MAGI2: variants seen among roughly 807,000 people sequenced by gnomAD.
The protein encoded by MAGI2 is membrane-associated guanylate kinase, WW and PDZ domain-containing protein 2.
Under a neutral mutation model 133.3 loss-of-function variants are expected in MAGI2, and 35 were observed. The ratio of observed to expected loss-of-function variants is 0.26; its 90% CI spans 0.20 to 0.35. The LOEUF is 0.35. Among genes scored for constraint, MAGI2 ranks in the 10% least tolerant of loss-of-function variants. The pLI, the probability that MAGI2 is intolerant of heterozygous loss-of-function variation, is 1.00. For missense variants in MAGI2, 1,636 were observed against 1,863.4 expected, an observed-to-expected ratio of 0.88 and a Z score of 2.25; for synonymous variants, 729 against 710.6, an observed-to-expected ratio of 1.03 and a Z score of -0.41.
chr7:79,060,424 A>C (rs2117063702), intron 1 of MAGI2, among the ~76,000 whole-genome samples: 1 of 152,238 alleles, frequency 6.6e-6, no homozygotes, highest in Admixed American at 6.6e-5. Context: ...TGGAATATGG[A>C]TACTTACCTC....
intron 2 of MAGI2, among the ~76,000 whole-genome samples, chr7:78,887,881 C>T (rs140822985): frequency 0.027 from 4,115 of 152,200 alleles, 77 homozygotes; most frequent in Middle Eastern, 0.051. Flanking sequence ...GGAGAGTGGG[C>T]GCAGGACAGT....
intron 1 of MAGI2, among the ~76,000 whole-genome samples, chr7:79,443,680 C>G (rs1848647766): frequency 6.6e-6 from 1 of 152,060 alleles, no homozygotes; most frequent in South Asian, 2.1e-4. Flanking sequence ...TCAGACATTC[C>G]CTGTGATCTA....
At chr7:78,168,895 T>C (rs552063373) in intron 14 of MAGI2, among the ~76,000 whole-genome samples, 2 of 152,324 alleles carry the variant, frequency 1.3e-5, no homozygotes, top group Admixed American at 6.5e-5. Context: ...TTCTGGCCAG[T>C]TGACTTACTC....
intron 1 of MAGI2, among the ~76,000 whole-genome samples, chr7:79,013,670 C>G (rs964227826): frequency 6.6e-6 from 1 of 152,118 alleles, no homozygotes; most frequent in African/African-American, 2.4e-5. Context: ...CCTCCATTCC[C>G]TTTTTAGGTA....
chr7:79,235,225 C>A (rs1831792072), intron 1 of MAGI2, among the ~76,000 whole-genome samples: 1 of 152,168 alleles, frequency 6.6e-6, no homozygotes, highest in Non-Finnish European at 1.5e-5. Flanking sequence ...TTTAAGTCTG[C>A]AGAGGTTACT....
At chr7:78,313,671 T>G (rs1454503367) in intron 9 of MAGI2, among the ~76,000 whole-genome samples, 1 of 152,020 alleles carries the variant, frequency 6.6e-6, no homozygotes, top group African/African-American at 2.4e-5. Context: ...GAAGTATTCT[T>G]GTCTGTGTAT....
chr7:78,996,635 C>T (rs529416863), intron 2 of MAGI2, among the ~76,000 whole-genome samples: 3 of 152,130 alleles, frequency 2.0e-5, no homozygotes, highest in African/African-American at 4.8e-5. Flanking sequence ...TGTAACAAAA[C>T]GGCACTTGTA....
At chr7:78,399,777 C>G (rs1796679647) in intron 6 of MAGI2, among the ~76,000 whole-genome samples, 1 of 138,382 alleles carries the variant, frequency 7.2e-6, no homozygotes, top group African/African-American at 2.7e-5. Context: ...TGCACTCCAG[C>G]CTGGTTGACA....
intron 6 of MAGI2, among the ~76,000 whole-genome samples, chr7:78,426,617 AAATT>A (rs1334072452): frequency 1.4e-5 from 2 of 144,806 alleles, no homozygotes; most frequent in African/African-American, 2.8e-5. Flanking sequence ...AATAATAAAT[AAATT>A]AATTAAAAAA....
chr7:78,566,710 A>G (rs1275182524), intron 3 of MAGI2, among the ~76,000 whole-genome samples: 1 of 152,202 alleles, frequency 6.6e-6, no homozygotes, highest in African/African-American at 2.4e-5. Flanking sequence ...GAGAGGTTCC[A>G]TCAGATAACT....
At chr7:78,657,033 C>A (rs192404913) in intron 2 of MAGI2, among the ~76,000 whole-genome samples, 9 of 148,880 alleles carry the variant, frequency 6.0e-5, no homozygotes, top group Admixed American at 4.7e-4. Flanking sequence ...TTAACAGATA[C>A]CTCTTCAAGA....
intron 1 of MAGI2, among the ~76,000 whole-genome samples, chr7:79,170,951 T>C (rs1277236667): frequency 6.6e-6 from 1 of 152,148 alleles, no homozygotes; most frequent in Non-Finnish European, 1.5e-5. Context: ...AACAGTTACC[T>C]AAGATTCTTT....
chr7:78,995,318 A>G (rs1389723957), intron 2 of MAGI2, among the ~76,000 whole-genome samples: 2 of 152,158 alleles, frequency 1.3e-5, no homozygotes, highest in African/African-American at 4.8e-5. Context: ...TCCTTTGTAT[A>G]TTTAATCTTT....
At chr7:79,038,241 T>C (rs1811298679) in intron 1 of MAGI2, among the ~76,000 whole-genome samples, 1 of 152,170 alleles carries the variant, frequency 6.6e-6, no homozygotes, top group Non-Finnish European at 1.5e-5. Context: ...TCAGGTAAAA[T>C]GTTGTCTCCA....
At chr7:79,095,251 C>T (rs1023069218) in intron 1 of MAGI2, among the ~76,000 whole-genome samples, 2 of 152,198 alleles carry the variant, frequency 1.3e-5, no homozygotes, top group African/African-American at 4.8e-5. Flanking sequence ...CTGGATTAAC[C>T]TTTGACACAA....
At chr7:78,724,635 T>C (rs549749237) in intron 2 of MAGI2, among the ~76,000 whole-genome samples, 1 of 152,198 alleles carries the variant, frequency 6.6e-6, no homozygotes, top group South Asian at 2.1e-4. Context: ...AAAGGTTGCC[T>C]GCTCCTGTGT....
At chr7:78,092,908 G>A (rs1404664122) in intron 20 of MAGI2, among the ~76,000 whole-genome samples, 3 of 151,962 alleles carry the variant, frequency 2.0e-5, no homozygotes, top group Non-Finnish European at 4.4e-5. Context: ...GTATTAGGTT[G>A]GTGCAAATGT....
At chr7:79,034,364 T>C (rs1810912937) in intron 1 of MAGI2, among the ~76,000 whole-genome samples, 1 of 152,212 alleles carries the variant, frequency 6.6e-6, no homozygotes, top group South Asian at 2.1e-4. Context: ...ACCCTACTGG[T>C]ATCCAGGTTG....
At chr7:78,543,849 T>C (rs370616369) in intron 3 of MAGI2, among the ~76,000 whole-genome samples, 20 of 152,364 alleles carry the variant, frequency 1.3e-4, no homozygotes, top group African/African-American at 3.1e-4. Context: ...TTTAGTCATA[T>C]CTTTATGTAG....
Sources: gnomAD v4.1 joint callset for allele counts (sites outside exome capture counted in the v4.1 genomes callset) on GRCh38, gnomAD v4.1.1 for gene constraint, MANE v1.5 for transcripts, NCBI Gene and HGNC (gene_info 2026-07-23, HGNC 2026-07-21) for gene names.